Variants in TRPM3 observed in about 807,000 individuals in gnomAD.
The protein encoded by TRPM3 is transient receptor potential cation channel subfamily M member 3.
In TRPM3, 77 loss-of-function variants were observed where a neutral mutation model predicts 181.2. The ratio of observed to expected loss-of-function variants is 0.42; its 90% confidence interval spans 0.35 to 0.51. The LOEUF is 0.51. Ranked by LOEUF, TRPM3 falls within the 20% of genes least tolerant of loss-of-function variation. TRPM3 has a pLI of 0.01. For synonymous variants in TRPM3, 745 were observed against 796.4 expected (o/e 0.94, Z 1.09); for missense variants, 1,759 against 2,196.7 (o/e 0.80, Z 3.98).
chr9:71,105,476 C>G (rs1249318821), intron 1 of TRPM3, among the ~76,000 whole-genome samples: 1 of 152,046 alleles, frequency 6.6e-6, no homozygotes, highest in Non-Finnish European at 1.5e-5. Context: ...CTGGGGTTTC[C>G]TAGGGAATGG....
At chr9:70,899,819 T>A (rs2096357396) in intron 1 of TRPM3, among the ~76,000 whole-genome samples, 1 of 152,192 alleles carries the variant, frequency 6.6e-6, no homozygotes, top group Admixed American at 6.5e-5. Flanking sequence ...GTTCTTAGCA[T>A]CATGTTTGCA....
intron 1 of TRPM3, among the ~76,000 whole-genome samples, chr9:71,369,855 G>C (rs533038451): frequency 1.3e-5 from 2 of 152,224 alleles, no homozygotes; most frequent in East Asian, 3.9e-4. Flanking sequence ...CAAGATTTTG[G>C]CAAACCTGCG....
intron 1 of TRPM3, among the ~76,000 whole-genome samples, chr9:71,007,656 A>T (rs561931654): frequency 6.6e-6 from 1 of 152,302 alleles, no homozygotes; most frequent in Non-Finnish European, 1.5e-5. Flanking sequence ...GTAAATTAAA[A>T]AATTCCTTGG....
At chr9:71,168,569 TTTATTTTTG>T (rs2076664377) in intron 1 of TRPM3, among the ~76,000 whole-genome samples, 2 of 101,458 alleles carry the variant, frequency 2.0e-5, no homozygotes, top group African/African-American at 4.0e-5. Context: ...TATTTATTTA[TTTATTTTTG>T]TTTTTTATTT....
intron 1 of TRPM3, among the ~76,000 whole-genome samples, chr9:71,177,367 C>G (rs2077159588): frequency 6.6e-6 from 1 of 152,112 alleles, no homozygotes; most frequent in Non-Finnish European, 1.5e-5. Flanking sequence ...CCCCCTACCC[C>G]TGGTCTATGG....
chr9:71,200,108 T>C (rs28842788), intron 1 of TRPM3, among the ~76,000 whole-genome samples: 8,150 of 152,098 alleles, frequency 0.054, 239 homozygotes, highest in East Asian at 0.11. Context: ...ACATCTTTAT[T>C]TCTGCCTTCA....
At chr9:71,015,995 G>A (rs188630378) in intron 1 of TRPM3, among the ~76,000 whole-genome samples, 1 of 152,052 alleles carries the variant, frequency 6.6e-6, no homozygotes, top group Non-Finnish European at 1.5e-5. Context: ...AAGAGATTGA[G>A]GCCATCCTGT....
At chr9:70,967,658 A>C (rs1331519775) in intron 1 of TRPM3, among the ~76,000 whole-genome samples, 1 of 152,122 alleles carries the variant, frequency 6.6e-6, no homozygotes, top group African/African-American at 2.4e-5. Context: ...GGCTTCTGTG[A>C]TCAAATTATT....
intron 1 of TRPM3, among the ~76,000 whole-genome samples, chr9:70,992,609 T>C (rs1564920421): frequency 6.6e-6 from 1 of 152,206 alleles, no homozygotes; most frequent in Non-Finnish European, 1.5e-5. Context: ...CTGCTAGCCA[T>C]ATGTGTGTAC....
intron 1 of TRPM3, among the ~76,000 whole-genome samples, chr9:71,080,861 T>C (rs975441975): frequency 6.6e-6 from 1 of 152,212 alleles, no homozygotes; most frequent in Non-Finnish European, 1.5e-5. Flanking sequence ...CGGTAAATTA[T>C]GTAGTAGGTC....
At position 70,635,251 on chromosome 9, in the gene TRPM3, G is replaced by A. The variant is rs764665158; in HGVS notation, c.1592C>T (p.Pro531Leu). ...GACCAAGTGGTACAATGTATTTGAG[G>A]GCCCATGTCTCTGAAAACAATAAAG... ...LEELYNTRHG[P>L]SNTLYHLVRD... is the part of the protein sequence containing the mutation. Residue 531 changes from proline to leucine, a missense_variant, in exon 12 of 26, where the codon CCC becomes CTC. By Grantham distance (98) the Pro-to-Leu change is moderately conservative. This residue lies in a region of TRPM3 where 737 missense variants were observed against 957.4 expected (regional missense o/e 0.77). Transcript: ENST00000677713. The A allele has an allele frequency of 1.9e-6, 3 of 1,613,690 alleles. No individual in the cohort carries two copies. Among genetic ancestry groups the A allele is most frequent in the Non-Finnish European group, 1.7e-6 (2 of 1,179,858 alleles).
chr9:71,378,736 A>T (rs1242564241), intron 1 of TRPM3, among the ~76,000 whole-genome samples: 4 of 152,094 alleles, frequency 2.6e-5, no homozygotes. Flanking sequence ...TAATACCTTC[A>T]AATATCATTT....
intron 3 of TRPM3, among the ~76,000 whole-genome samples, chr9:70,859,861 T>C (rs1589311192): frequency 6.6e-6 from 1 of 152,048 alleles, no homozygotes; most frequent in African/African-American, 2.4e-5. Context: ...ATACAGGAGG[T>C]TGACTGAAAG....
intron 1 of TRPM3, among the ~76,000 whole-genome samples, chr9:71,132,965 C>G (rs955916715): frequency 1.3e-5 from 2 of 152,148 alleles, no homozygotes; most frequent in Non-Finnish European, 2.9e-5. Context: ...AGTACTCAAT[C>G]ATATGTTTTT....
At chr9:71,192,841 C>T (rs879873962) in intron 1 of TRPM3, among the ~76,000 whole-genome samples, 7 of 151,732 alleles carry the variant, frequency 4.6e-5, no homozygotes, top group Admixed American at 1.3e-4. Context: ...AAGACCAGTG[C>T]TGTAGAATTT....
chr9:70,920,503 C>G (rs772583032), intron 1 of TRPM3, among the ~76,000 whole-genome samples: 2 of 152,170 alleles, frequency 1.3e-5, no homozygotes, highest in Non-Finnish European at 2.9e-5. Context: ...AACTTCTAAT[C>G]AGAACTCTTT....
chr9:71,373,512 A>G (rs774609929), intron 1 of TRPM3, among the ~76,000 whole-genome samples: 12 of 152,192 alleles, frequency 7.9e-5, no homozygotes, highest in Non-Finnish European at 1.5e-4. Context: ...CTATGCACAT[A>G]AACTAGAAAA....
intron 21 of TRPM3, among the ~76,000 whole-genome samples, chr9:70,594,929 A>G (rs1233677996): frequency 1.3e-5 from 2 of 152,168 alleles, no homozygotes. Context: ...TGCCTTCTGG[A>G]TCAGTGCATC....
At chr9:71,071,503 A>C (rs971664604) in intron 1 of TRPM3, among the ~76,000 whole-genome samples, 1 of 152,214 alleles carries the variant, frequency 6.6e-6, no homozygotes, top group Non-Finnish European at 1.5e-5. Context: ...ATGAGACTAC[A>C]ATCTTGACAA....
Sources: gnomAD v4.1 joint callset for allele counts (sites outside exome capture counted in the v4.1 genomes callset) on GRCh38, gnomAD v4.1.1 for gene constraint, gnomAD v4.1.1 regional missense constraint, MANE v1.5 for transcripts, NCBI Gene and HGNC (gene_info 2026-07-23, HGNC 2026-07-21) for gene names.